CHCHD3: variants seen among roughly 807,000 people sequenced by gnomAD.
CHCHD3 encodes MICOS complex subunit MIC19.
CHCHD3 carries 20 observed loss-of-function variants against 38.2 expected under a neutral mutation model. The ratio of observed to expected loss-of-function variants is 0.52; its 90% confidence interval spans 0.37 to 0.76. The LOEUF is 0.76. CHCHD3 is among the 30% of genes least tolerant of loss of function. CHCHD3 has a pLI of 0.00. For synonymous variants in CHCHD3, 82 were observed against 100.0 expected (o/e 0.82, Z 1.07); for missense variants, 245 against 279.2 (o/e 0.88, Z 0.87).
intron 2 of CHCHD3, among the ~76,000 whole-genome samples, chr7:133,038,475 A>C (rs1198642948): frequency 6.6e-6 from 1 of 152,214 alleles, no homozygotes; most frequent in Non-Finnish European, 1.5e-5. Context: ...GGTAGAAAAG[A>C]GAGGAAATGT....
chr7:132,970,416 G>A (rs562791135), intron 4 of CHCHD3, among the ~76,000 whole-genome samples: 2 of 152,136 alleles, frequency 1.3e-5, no homozygotes, highest in Non-Finnish European at 2.9e-5. Context: ...CTCAGCACTG[G>A]CATATATTAG....
intron 1 of CHCHD3, among the ~76,000 whole-genome samples, chr7:133,078,501 A>G (rs1007779625): frequency 6.6e-6 from 1 of 152,194 alleles, no homozygotes; most frequent in Non-Finnish European, 1.5e-5. Flanking sequence ...GGAGACTCCA[A>G]CTCAAAAAAA....
chr7:132,918,870 C>A (rs1269902637), intron 4 of CHCHD3, among the ~76,000 whole-genome samples: 2 of 152,086 alleles, frequency 1.3e-5, no homozygotes, highest in Non-Finnish European at 2.9e-5. Flanking sequence ...GCAAGCACAA[C>A]TGACTTGGTA....
chr7:132,900,399 G>C (rs142275024), intron 4 of CHCHD3, among the ~76,000 whole-genome samples: 5 of 152,242 alleles, frequency 3.3e-5, no homozygotes, highest in African/African-American at 1.2e-4. Context: ...CCTGAGACCG[G>C]AGGCATACAT....
intron 4 of CHCHD3, among the ~76,000 whole-genome samples, chr7:132,912,003 A>G (rs1342759216): frequency 6.6e-6 from 1 of 152,220 alleles, no homozygotes; most frequent in African/African-American, 2.4e-5. Context: ...TTGCAAACAC[A>G]ACAAACGTGA....
intron 2 of CHCHD3, among the ~76,000 whole-genome samples, chr7:133,051,833 A>T (rs536897623): frequency 6.6e-6 from 1 of 152,328 alleles, no homozygotes; most frequent in East Asian, 1.9e-4. Flanking sequence ...TGTTTTGTCC[A>T]AGTATAATCG....
intron 6 of CHCHD3, among the ~76,000 whole-genome samples, chr7:132,836,929 G>C (rs1807797271): frequency 6.6e-6 from 1 of 152,146 alleles, no homozygotes. Flanking sequence ...AAACTTCACA[G>C]CCCAGCAGCT....
At chr7:133,005,286 T>C (rs1284839217) in intron 3 of CHCHD3, among the ~76,000 whole-genome samples, 1 of 152,194 alleles carries the variant, frequency 6.6e-6, no homozygotes, top group East Asian at 1.9e-4. Flanking sequence ...TAAGTCAGCA[T>C]ATGTGGTTTA....
Position 133,073,901 on chromosome 7 carries a change from G to A in CHCHD3, c.82-3672C>T, listed in dbSNP as rs190906171. Among the ~76,000 whole-genome samples, 936 of 152,016 alleles carry A rather than the reference G, an allele frequency of 6.2e-3. 28 individuals carry two copies. The highest frequency in any genetic ancestry group is 0.054 in the Admixed American group (817 of 15,266). On this transcript the variant is annotated intron_variant, in intron 1 of 7. Coordinates refer to ENST00000262570, the MANE Select transcript of CHCHD3 (RefSeq NM_017812.4). ...CTTAATATTACATATCCTGTTCTAC[G>A]TCCATCTCCTTGCCTTTACACACGC...
At chr7:132,963,744 GT>G in intron 4 of CHCHD3, among the ~76,000 whole-genome samples, 1 of 149,360 alleles carries the variant, frequency 6.7e-6, no homozygotes, top group African/African-American at 2.5e-5. Context: ...TCAGTTGTTA[GT>G]TTTTGCAATA....
chr7:132,887,980 T>C (rs1809258625), intron 4 of CHCHD3, among the ~76,000 whole-genome samples: 1 of 151,722 alleles, frequency 6.6e-6, no homozygotes, highest in African/African-American at 2.4e-5. Context: ...CATTATAGGG[T>C]TGTTTAAACT....
intron 3 of CHCHD3, among the ~76,000 whole-genome samples, chr7:132,995,685 C>T (rs930850247): frequency 7.2e-5 from 11 of 152,182 alleles, no homozygotes; most frequent in African/African-American, 2.2e-4. Flanking sequence ...CTAGGACTTG[C>T]TCTTAAGGTG....
chr7:132,973,232 A>G, intron 4 of CHCHD3: 3 of 985,444 alleles, frequency 3.0e-6, no homozygotes, highest in Non-Finnish European at 3.6e-6. Flanking sequence ...GCAAAGAGAA[A>G]TGCCAACCAA....
rs1333145452 is a variant in CHCHD3 at position 132,788,866 on chromosome 7, T to G, written c.661-3206A>C. Among the ~76,000 whole-genome samples, 4 of 152,204 alleles carry G rather than the reference T, an allele frequency of 2.6e-5. No homozygotes were observed. Among genetic ancestry groups the G allele is most frequent in the Non-Finnish European group, 5.9e-5 (4 of 68,046 alleles). On this transcript the variant is annotated intron_variant, in intron 7 of 7. Transcript: ENST00000262570. The surrounding 1 kb of genome is among the most constrained non-coding windows in gnomAD (Gnocchi z 4.0). ...CTGATCTATAAACATTTTGTCAAACTGCACTCACTTGCTACCAAAGGGTGG... is the reference window on the plus strand; with the variant it reads ...CTGATCTATAAACATTTTGTCAAACGGCACTCACTTGCTACCAAAGGGTGG...
At chr7:132,928,479 C>T (rs1810431265) in intron 4 of CHCHD3, among the ~76,000 whole-genome samples, 1 of 151,990 alleles carries the variant, frequency 6.6e-6, no homozygotes. Flanking sequence ...GGTGGATCAC[C>T]TGAGGTCAGG....
chr7:132,891,628 T>C (rs1475742570), intron 4 of CHCHD3, among the ~76,000 whole-genome samples: 2 of 152,218 alleles, frequency 1.3e-5, no homozygotes, highest in African/African-American at 4.8e-5. Flanking sequence ...ACTAATAACA[T>C]ACAGAAAACA....
At chr7:133,068,059 T>C (rs960743505) in intron 2 of CHCHD3, among the ~76,000 whole-genome samples, 12 of 151,490 alleles carry the variant, frequency 7.9e-5, no homozygotes, top group Admixed American at 1.3e-4. Flanking sequence ...GAGCTTGCAG[T>C]GAGCCAAGAT....
At chr7:133,029,846 A>C (rs1813451732) in intron 2 of CHCHD3, among the ~76,000 whole-genome samples, 2 of 151,902 alleles carry the variant, frequency 1.3e-5, no homozygotes, top group Admixed American at 6.6e-5. Context: ...ATGAGAGGAG[A>C]GAAAAACGTG....
In CHCHD3 at chr7:133,039,140, C is replaced by T. The variant is rs199845949; in HGVS notation, c.170-14513G>A. ...AACCAATTTCTTTTTTTTTAAGTTG[C>T]TTAGTCCATGCACACGCCACAATCA... On this transcript the variant is annotated intron_variant, in intron 2 of 7. Transcript: ENST00000262570. Among the ~76,000 whole-genome samples, 5 of 151,946 alleles carry T rather than the reference C, an allele frequency of 3.3e-5. No homozygotes were observed. In the East Asian group the frequency reaches 9.7e-4, roughly 29 times the overall value.
Sources: gnomAD v4.1 joint callset for allele counts (sites outside exome capture counted in the v4.1 genomes callset) on GRCh38, gnomAD v4.1.1 for gene constraint, Gnocchi (gnomAD v3.1) non-coding constraint, MANE v1.5 for transcripts, NCBI Gene and HGNC (gene_info 2026-07-23, HGNC 2026-07-21) for gene names.